Variants in CHD7 observed in about 807,000 individuals in gnomAD.
The protein encoded by CHD7 is chromodomain helicase DNA binding protein 7.
A neutral mutation model predicts 307.3 loss-of-function variants in CHD7; 24 were observed. The observed-to-expected ratio is 0.08, with a 90% confidence interval of 0.06 to 0.11. The LOEUF is 0.11. Among genes scored for constraint, CHD7 ranks in the 10% least tolerant of loss-of-function variants. CHD7 has a pLI of 1.00. For missense variants in CHD7, 3,106 were observed against 3,727.1 expected, an observed-to-expected ratio of 0.83 and a Z score of 4.34; for synonymous variants, 1,363 against 1,349.9, an observed-to-expected ratio of 1.01 and a Z score of -0.21.
chr8:60,741,883 C>G lies in CHD7; in HGVS notation c.451C>G (p.Gln151Glu). The change falls in exon 2 of 38, where the codon CAG (glutamine) becomes GAG (glutamate). Residue 151 changes from glutamine to glutamate, a missense_variant. Physicochemically the swap from Gln to Glu is conservative, Grantham distance 29 (BLOSUM62 2). This residue lies in a region of CHD7 where 998 missense variants were observed against 1,004.5 expected (regional missense o/e 0.99). Coordinates refer to ENST00000423902, the MANE Select transcript of CHD7 (RefSeq NM_017780.4). ...CTCCATGTGGGGCCCCAGGGCTGTT[C>G]AGGTACCAGACCAGATACGAGCCCC... The part of the protein sequence containing the change: ...SSSMWGPRAV[Q>E]VPDQIRAPYQ... 1 of 1,613,650 alleles carries G rather than the reference C, an allele frequency of 6.2e-7. No homozygotes were observed. The highest frequency in any genetic ancestry group is 8.5e-7 in the Non-Finnish European group (1 of 1,179,748).
intron 15 of CHD7, among the ~76,000 whole-genome samples, chr8:60,835,236 G>A (rs369706678): frequency 2.0e-5 from 3 of 152,156 alleles, no homozygotes; most frequent in African/African-American, 7.2e-5. Context: ...CGTGTGTCAG[G>A]CAGGGATGTC....
chr8:60,749,575 T>C (rs976865810), intron 2 of CHD7, among the ~76,000 whole-genome samples: 2 of 143,138 alleles, frequency 1.4e-5, no homozygotes, highest in Non-Finnish European at 3.1e-5. Flanking sequence ...TAAAGACATC[T>C]GGGAAAGATG....
chr8:60,779,695 G>A (rs1344206313), intron 2 of CHD7, among the ~76,000 whole-genome samples: 1 of 152,202 alleles, frequency 6.6e-6, no homozygotes, highest in Non-Finnish European at 1.5e-5. Context: ...GGCGTGTACA[G>A]TAGTCACGAG....
intron 1 of CHD7, among the ~76,000 whole-genome samples, chr8:60,728,564 C>T (rs1196576932): frequency 2.6e-5 from 4 of 152,236 alleles, no homozygotes; most frequent in Middle Eastern, 3.4e-3. Flanking sequence ...CTCGCTCTGT[C>T]GCCCAGGCTG....
At chr8:60,732,295 G>A (rs895046310) in intron 1 of CHD7, among the ~76,000 whole-genome samples, 13 of 150,992 alleles carry the variant, frequency 8.6e-5, no homozygotes, top group African/African-American at 3.2e-4. Context: ...TGCCAAATCA[G>A]TTAGTTAATC....
Position 60,853,196 on chromosome 8 carries a change from C to G in CHD7, c.6471C>G (p.Ile2157Met). The G allele has an allele frequency of 6.2e-7, 1 of 1,613,914 alleles. No individual in the cohort carries two copies. The highest frequency in any genetic ancestry group is 8.5e-7 in the Non-Finnish European group (1 of 1,179,860). ...GATTTGTCCAGACTCCTCCAGTCAT[C>G]TCATCTGCTCATATTCAAGATGAGA... ...AVGFVQTPPV[I>M]SSAHIQDERV... The change falls in exon 31 of 38, where the codon ATC becomes ATG. Residue 2157 changes from isoleucine (I) to methionine (M), a missense_variant. Around this residue, in one of 10 missense-constraint regions of CHD7, gnomAD observed 1,030 missense variants for 1,165.4 expected, o/e 0.88. Transcript: ENST00000423902.
intron 34 of CHD7, among the ~76,000 whole-genome samples, chr8:60,858,461 G>C (rs1805816774): frequency 6.6e-6 from 1 of 152,174 alleles, no homozygotes; most frequent in African/African-American, 2.4e-5. Flanking sequence ...CTAGTAAATA[G>C]CCTTCCTGTT....
At position 60,795,113 on chromosome 8, in the gene CHD7, G is replaced by A. The variant is rs750444222; in HGVS notation, c.2224G>A (p.Asp742Asn). Residue 742 changes from aspartate (D) to asparagine (N), a missense_variant, in exon 4 of 38, where the codon GAC becomes AAC. Coordinates refer to ENST00000423902, the MANE Select transcript of CHD7 (RefSeq NM_017780.4). Reference sequence around the variant, plus strand: ...ATCTCCTCCTCCTGAAGAAGATGAGGACCCAGGTGTTCAGGTAATACAATT... The same window carrying A: ...ATCTCCTCCTCCTGAAGAAGATGAGAACCCAGGTGTTCAGGTAATACAATT... ...PPSPPPEEDE[D>N]PGVQKRRSSR... 7.4e-6 allele frequency: 12 copies of A among 1,612,924 alleles called. No homozygotes were observed. The highest frequency in any genetic ancestry group is 1.7e-6 in the Non-Finnish European group (2 of 1,179,564).
At chr8:60,812,863 T>C (rs1812878570) in intron 7 of CHD7, among the ~76,000 whole-genome samples, 1 of 152,106 alleles carries the variant, frequency 6.6e-6, no homozygotes, top group Non-Finnish European at 1.5e-5. Context: ...TAATATCTGG[T>C]AGATCTATTT....
intron 1 of CHD7, among the ~76,000 whole-genome samples, chr8:60,718,107 G>A (rs1464590582): frequency 6.6e-6 from 1 of 152,210 alleles, no homozygotes; most frequent in African/African-American, 2.4e-5. Context: ...AGAATGTGGA[G>A]ATGGAAGACA....
chr8:60,744,866 A>AT lies in CHD7; in HGVS notation c.1665+1782dup, dbSNP rs1294663401. 8.4e-3 allele frequency among the ~76,000 whole-genome samples: 445 copies of AT among 52,884 alleles called. 5 individuals carry two copies. The highest frequency in any genetic ancestry group is 9.9e-3 in the Non-Finnish European group (262 of 26,362). The allele number at this position is 52,884 out of a possible 152,430, so 34.7% of individuals were successfully genotyped here. ...CGAGACTCCATCTAAAAAAAAAAAA[A>AT]TTTTTTTTTTTTTAATTTTAGATTC... is the stretch of plus-strand genomic sequence containing the variant. On this transcript the variant is annotated intron_variant, in intron 2 of 37. Transcript: ENST00000423902.
chr8:60,720,559 C>A (rs138419064), intron 1 of CHD7, among the ~76,000 whole-genome samples: 139 of 152,312 alleles, frequency 9.1e-4, no homozygotes, highest in Middle Eastern at 3.4e-3. Context: ...CTGTCCTCTG[C>A]ACCATTGTGC....
chr8:60,773,837 T>C (rs117113426), intron 2 of CHD7, among the ~76,000 whole-genome samples: 540 of 152,306 alleles, frequency 3.5e-3, no homozygotes, highest in Middle Eastern at 6.8e-3. Context: ...CAAAACACAA[T>C]AAGAATGCCA....
At chr8:60,831,976 T>C (rs572840553) in intron 15 of CHD7, among the ~76,000 whole-genome samples, 1 of 152,234 alleles carries the variant, frequency 6.6e-6, no homozygotes, top group Non-Finnish European at 1.5e-5. Flanking sequence ...CCTGGGATCA[T>C]TGGTGTGATG....
chr8:60,725,349 C>T (rs950088586), intron 1 of CHD7, among the ~76,000 whole-genome samples: 26 of 152,248 alleles, frequency 1.7e-4, no homozygotes, highest in African/African-American at 5.5e-4. Context: ...GAGATCTCTT[C>T]TATCTGTATA....
rs558533630 is a variant in CHD7 at position 60,865,004 on chromosome 8, C to T, written c.8077-12C>T. On this transcript the variant is annotated splice_polypyrimidine_tract_variant and intron_variant, in intron 37 of 37. Coordinates refer to ENST00000423902, the MANE Select transcript of CHD7 (RefSeq NM_017780.4). This position sits in a 1 kb window ranked among gnomAD's most constrained non-coding sequence, Gnocchi z 4.3. ...GCCTTTATAGCCACTGTTTGCCTCC[C>T]CTGTACTCCAGGGTTTTGTTCCTGA... 1.3e-6 allele frequency: 2 copies of T among 1,577,516 alleles called. No homozygotes were observed. The highest frequency in any genetic ancestry group is 2.3e-5 in the East Asian group (1 of 43,396).
intron 1 of CHD7, among the ~76,000 whole-genome samples, chr8:60,681,885 A>G (rs978475258): frequency 1.3e-5 from 2 of 148,642 alleles, no homozygotes; most frequent in African/African-American, 5.3e-5. Flanking sequence ...GTTTTCAGAT[A>G]AGAAATGAAT....
At chr8:60,736,765 A>G (rs1232324960) in intron 1 of CHD7, among the ~76,000 whole-genome samples, 1 of 152,188 alleles carries the variant, frequency 6.6e-6, no homozygotes, top group Admixed American at 6.5e-5. Context: ...TACTTACACA[A>G]TAGGACAAAT....
intron 7 of CHD7, among the ~76,000 whole-genome samples, chr8:60,810,384 T>A (rs532879125): frequency 0.013 from 1,891 of 140,412 alleles, 27 homozygotes; most frequent in Non-Finnish European, 0.02. Context: ...AGAGAGAGTG[T>A]GTGTGTGTGT....
Sources: gnomAD v4.1 joint callset for allele counts (sites outside exome capture counted in the v4.1 genomes callset) on GRCh38, gnomAD v4.1.1 for gene constraint, gnomAD v4.1.1 regional missense constraint, Gnocchi (gnomAD v3.1) non-coding constraint, MANE v1.5 for transcripts, NCBI Gene and HGNC (gene_info 2026-07-23, HGNC 2026-07-21) for gene names.